The following GRM8 variants were observed in gnomAD, a reference collection of about 807,000 sequenced individuals.
GRM8 encodes metabotropic glutamate receptor 8.
Under a neutral mutation model 87.2 loss-of-function variants are expected in GRM8, and 47 were observed. The ratio of observed to expected loss-of-function variants is 0.54; its 90% CI spans 0.43 to 0.69. The LOEUF (loss-of-function observed/expected upper bound fraction) is 0.69. Among genes scored for constraint, GRM8 ranks in the 30% least tolerant of loss-of-function variants. The pLI is 0.00. For synonymous variants in GRM8, 396 were observed against 404.5 expected (o/e 0.98, Z 0.25); for missense variants, 1,019 against 1,139.2 (o/e 0.89, Z 1.52).
chr7:127,246,629 G>A (rs1200274005), intron 1 of GRM8, among the ~76,000 whole-genome samples: 1 of 152,016 alleles, frequency 6.6e-6, no homozygotes, highest in Non-Finnish European at 1.5e-5. Context: ...ATACATCATT[G>A]GGCCCTCCAT....
chr7:126,580,318 T>G (rs1795491717), intron 8 of GRM8, among the ~76,000 whole-genome samples: 2 of 152,190 alleles, frequency 1.3e-5, no homozygotes, highest in Non-Finnish European at 2.9e-5. Flanking sequence ...CTGTTTTTCA[T>G]GAAAATTCCA....
chr7:126,691,666 G>A (rs1585543072), intron 7 of GRM8, among the ~76,000 whole-genome samples: 1 of 152,306 alleles, frequency 6.6e-6, no homozygotes, highest in South Asian at 2.1e-4. Flanking sequence ...CAATATTGGA[G>A]GAATGAGAGT....
intron 3 of GRM8, among the ~76,000 whole-genome samples, chr7:127,045,382 G>A (rs989479672): frequency 6.6e-6 from 1 of 150,972 alleles, no homozygotes; most frequent in African/African-American, 2.4e-5. Flanking sequence ...ACCAGGATGT[G>A]GTCTAGCTTT....
At chr7:126,727,812 C>A (rs907018304) in intron 7 of GRM8, among the ~76,000 whole-genome samples, 1 of 151,854 alleles carries the variant, frequency 6.6e-6, no homozygotes, top group Admixed American at 6.6e-5. Flanking sequence ...TCTCCCACAA[C>A]CTTTAAGACA....
intron 3 of GRM8, among the ~76,000 whole-genome samples, chr7:127,058,762 C>G: frequency 6.6e-6 from 1 of 152,154 alleles, no homozygotes; most frequent in Admixed American, 6.5e-5. Context: ...GGCTTGGTGA[C>G]AAGCAGAGTC....
At chr7:127,222,827 T>G (rs558829433) in intron 2 of GRM8, among the ~76,000 whole-genome samples, 39 of 152,160 alleles carry the variant, frequency 2.6e-4, no homozygotes, top group Non-Finnish European at 5.0e-4. Context: ...AAACAGGATT[T>G]GAACCCAGGT....
At chr7:127,017,065 T>G (rs1237328271) in intron 3 of GRM8, among the ~76,000 whole-genome samples, 1 of 152,082 alleles carries the variant, frequency 6.6e-6, no homozygotes, top group African/African-American at 2.4e-5. Flanking sequence ...TTTCCACTAA[T>G]TTCTGCATTA....
At chr7:126,453,846 T>C (rs934728349) in intron 9 of GRM8, among the ~76,000 whole-genome samples, 1 of 151,760 alleles carries the variant, frequency 6.6e-6, no homozygotes, top group African/African-American at 2.4e-5. Flanking sequence ...TAAACTGATG[T>C]TGCATTTTCT....
At chr7:126,549,479 T>C (rs1792333169) in intron 8 of GRM8, among the ~76,000 whole-genome samples, 1 of 152,190 alleles carries the variant, frequency 6.6e-6, no homozygotes, top group African/African-American at 2.4e-5. Context: ...CATTATCTTT[T>C]ACTTCTAAAT....
At chr7:126,908,480 A>C (rs1268929152) in intron 3 of GRM8, among the ~76,000 whole-genome samples, 1 of 152,180 alleles carries the variant, frequency 6.6e-6, no homozygotes, top group African/African-American at 2.4e-5. Flanking sequence ...TGCCCTTTTA[A>C]TTAAATTGCC....
intron 7 of GRM8, among the ~76,000 whole-genome samples, chr7:126,640,553 C>T (rs181736507): frequency 1.3e-5 from 2 of 152,222 alleles, no homozygotes; most frequent in East Asian, 3.9e-4. Flanking sequence ...TTATCAATCT[C>T]TCTCTCTGTC....
chr7:127,197,039 T>C (rs1355811674), intron 2 of GRM8, among the ~76,000 whole-genome samples: 1 of 152,192 alleles, frequency 6.6e-6, no homozygotes, highest in Non-Finnish European at 1.5e-5. Context: ...GAGTTCTTGA[T>C]ACATGGTACA....
intron 9 of GRM8, among the ~76,000 whole-genome samples, chr7:126,478,519 T>C (rs1806275215): frequency 6.6e-6 from 1 of 152,108 alleles, no homozygotes; most frequent in Admixed American, 6.6e-5. Flanking sequence ...AAATAATCTA[T>C]TTAATTTTCA....
chr7:126,558,341 A>G (rs1470828314), intron 8 of GRM8, among the ~76,000 whole-genome samples: 1 of 152,160 alleles, frequency 6.6e-6, no homozygotes. Flanking sequence ...AATTACACAA[A>G]GTGAGAAAAT....
intron 2 of GRM8, among the ~76,000 whole-genome samples, chr7:127,177,076 C>T (rs1354330623): frequency 2.0e-5 from 3 of 152,132 alleles, no homozygotes; most frequent in Non-Finnish European, 4.4e-5. Flanking sequence ...CCTTTTCTTT[C>T]GCAGCTGGGA....
chr7:127,066,937 T>A (rs974983547), intron 3 of GRM8, among the ~76,000 whole-genome samples: 1 of 152,184 alleles, frequency 6.6e-6, no homozygotes, highest in African/African-American at 2.4e-5. Context: ...AATGAGGTAT[T>A]ATAAGTGAGG....
intron 3 of GRM8, among the ~76,000 whole-genome samples, chr7:127,004,661 A>C (rs1814085175): frequency 6.6e-6 from 1 of 151,672 alleles, no homozygotes; most frequent in Non-Finnish European, 1.5e-5. Flanking sequence ...ATGAAGAAAA[A>C]TAACTTGGCT....
chr7:127,167,639 T>C (rs1444625522), intron 2 of GRM8, among the ~76,000 whole-genome samples: 1 of 152,172 alleles, frequency 6.6e-6, no homozygotes, highest in Non-Finnish European at 1.5e-5. Context: ...GGAATTATTA[T>C]AATTGTTTTG....
At chr7:126,445,692 C>T (rs780697346) in intron 10 of GRM8, among the ~76,000 whole-genome samples, 10 of 151,902 alleles carry the variant, frequency 6.6e-5, no homozygotes, top group Non-Finnish European at 1.0e-4. Context: ...TCCCTAAAGG[C>T]ACAAATAACA....
Sources: allele counts gnomAD v4.1 joint callset (sites outside exome capture counted in the v4.1 genomes callset), GRCh38; gene constraint gnomAD v4.1.1; transcripts MANE v1.5; gene names NCBI Gene and HGNC (gene_info 2026-07-23, HGNC 2026-07-21).